Variants in THSD4 observed in about 807,000 individuals in gnomAD.
THSD4 encodes thrombospondin type-1 domain-containing protein 4.
In THSD4, 69 loss-of-function variants were observed where a neutral mutation model predicts 119.0. That is an observed-to-expected ratio of 0.58 (90% CI 0.48 to 0.71). The LOEUF is 0.71. Ranked by LOEUF, THSD4 falls within the 30% of genes least tolerant of loss-of-function variation. The pLI, the probability that THSD4 is intolerant of heterozygous loss-of-function variation, is 0.00. For synonymous variants in THSD4, 524 were observed against 540.4 expected (o/e 0.97, Z 0.42); for missense variants, 1,393 against 1,391.1 (o/e 1.00, Z -0.02).
chr15:71,409,632 G>A (rs1181760869), intron 6 of THSD4, among the ~76,000 whole-genome samples: 1 of 152,206 alleles, frequency 6.6e-6, no homozygotes, highest in East Asian at 1.9e-4. Context: ...AGAGCTCAGA[G>A]TATCTAGACG....
At chr15:71,617,115 C>A (rs2221242) in intron 7 of THSD4, among the ~76,000 whole-genome samples, 26,858 of 151,958 alleles carry the variant, frequency 0.18, 2,882 homozygotes, top group Non-Finnish European at 0.24. Flanking sequence ...GGCAAATGTC[C>A]TCAGAAGCTT....
intron 11 of THSD4, among the ~76,000 whole-genome samples, chr15:71,738,698 T>A (rs1197896869): frequency 6.6e-6 from 1 of 152,168 alleles, no homozygotes; most frequent in Non-Finnish European, 1.5e-5. Context: ...ACATGCCAAG[T>A]ACTGCCAACC....
At chr15:71,728,951 C>T (rs892999871) in intron 9 of THSD4, 17 of 573,628 alleles carry the variant, frequency 3.0e-5, no homozygotes, top group South Asian at 6.7e-5. Context: ...TTATTACCTT[C>T]GGAGTTTATT....
intron 7 of THSD4, among the ~76,000 whole-genome samples, chr15:71,451,159 C>T (rs1271803883): frequency 6.6e-6 from 1 of 152,016 alleles, no homozygotes; most frequent in East Asian, 1.9e-4. Flanking sequence ...GCCTGGGCAA[C>T]AGAGCAAGAC....
chr15:71,361,729 G>A (rs1167460281), intron 6 of THSD4, among the ~76,000 whole-genome samples: 2 of 152,046 alleles, frequency 1.3e-5, no homozygotes, highest in Non-Finnish European at 2.9e-5. Flanking sequence ...ACAAAAGATT[G>A]GAAACAGTAT....
chr15:71,743,298 T>C (rs1053342484), intron 11 of THSD4, among the ~76,000 whole-genome samples: 2 of 152,210 alleles, frequency 1.3e-5, no homozygotes, highest in African/African-American at 2.4e-5. Context: ...TTCTCCCTTA[T>C]TTGAGTGCCA....
intron 8 of THSD4, among the ~76,000 whole-genome samples, chr15:71,713,102 A>G (rs985728658): frequency 3.9e-5 from 6 of 152,238 alleles, no homozygotes; most frequent in Non-Finnish European, 8.8e-5. Context: ...TGGGAAGTTT[A>G]GTTTAAAAGG....
intron 8 of THSD4, among the ~76,000 whole-genome samples, chr15:71,716,024 G>A (rs1254408065): frequency 6.6e-6 from 1 of 152,172 alleles, no homozygotes; most frequent in Non-Finnish European, 1.5e-5. Context: ...CAGTTCTGGA[G>A]ACCAGAATTC....
At chr15:71,562,572 C>T (rs987565344) in intron 7 of THSD4, among the ~76,000 whole-genome samples, 4 of 150,956 alleles carry the variant, frequency 2.6e-5, no homozygotes, top group Admixed American at 6.6e-5. Flanking sequence ...GGAAGTGTAG[C>T]AGAAAAGCAG....
intron 7 of THSD4, among the ~76,000 whole-genome samples, chr15:71,658,049 C>T (rs2051225250): frequency 6.6e-6 from 1 of 152,136 alleles, no homozygotes; most frequent in African/African-American, 2.4e-5. Context: ...ATCTCTGACA[C>T]CCTAGTTACA....
intron 1 of THSD4, among the ~76,000 whole-genome samples, chr15:71,131,796 C>T (rs1352628725): frequency 6.6e-6 from 1 of 152,136 alleles, no homozygotes; most frequent in African/African-American, 2.4e-5. Flanking sequence ...ATTTAAGCTA[C>T]CTTAGTGAAG....
intron 6 of THSD4, among the ~76,000 whole-genome samples, chr15:71,347,371 C>G (rs1215878408): frequency 6.6e-6 from 1 of 152,200 alleles, no homozygotes; most frequent in African/African-American, 2.4e-5. Flanking sequence ...GATGCCATCT[C>G]CCTGCCACTA....
intron 3 of THSD4, among the ~76,000 whole-genome samples, chr15:71,199,791 C>CTGTGTGTGTGG (rs2043773375): frequency 1.3e-5 from 1 of 78,058 alleles, no homozygotes; most frequent in Non-Finnish European, 2.4e-5. Context: ...TGGGTGTGTG[C>CTGTGTGTGTGG]TGTGTGTGTG....
At chr15:71,293,775 A>G (rs2044825466) in intron 6 of THSD4, among the ~76,000 whole-genome samples, 1 of 152,026 alleles carries the variant, frequency 6.6e-6, no homozygotes, top group South Asian at 2.1e-4. Flanking sequence ...AAATTCCCTA[A>G]CAGTAGGAAA....
At chr15:71,218,242 T>A (rs915859814) in intron 4 of THSD4, among the ~76,000 whole-genome samples, 2 of 152,222 alleles carry the variant, frequency 1.3e-5, no homozygotes, top group Non-Finnish European at 2.9e-5. Context: ...TCAGAGGACC[T>A]AGAGCCAGTG....
chr15:71,536,350 C>G (rs749039469), intron 7 of THSD4, among the ~76,000 whole-genome samples: 9 of 152,206 alleles, frequency 5.9e-5, no homozygotes, highest in Non-Finnish European at 1.2e-4. Flanking sequence ...CCTTTCACAA[C>G]CTTCCCTCCT....
intron 3 of THSD4, among the ~76,000 whole-genome samples, chr15:71,201,767 G>T (rs185908591): frequency 6.6e-6 from 1 of 152,190 alleles, no homozygotes; most frequent in Non-Finnish European, 1.5e-5. Flanking sequence ...GAGCCAGGGG[G>T]ACTTGAAATG....
At chr15:71,164,427 G>C (rs1397224520) in intron 3 of THSD4, among the ~76,000 whole-genome samples, 1 of 144,174 alleles carries the variant, frequency 6.9e-6, no homozygotes, top group African/African-American at 2.6e-5. Context: ...CAATTATTTC[G>C]TATAAGCTGC....
intron 7 of THSD4, among the ~76,000 whole-genome samples, chr15:71,619,111 A>AG (rs1231562468): frequency 6.6e-6 from 1 of 151,756 alleles, no homozygotes; most frequent in African/African-American, 2.4e-5. Flanking sequence ...CTAGGATTAC[A>AG]GGTGCCCACC....
Sources: gnomAD v4.1 joint callset for allele counts (sites outside exome capture counted in the v4.1 genomes callset) on GRCh38, gnomAD v4.1.1 for gene constraint, MANE v1.5 for transcripts, NCBI Gene and HGNC (gene_info 2026-07-23, HGNC 2026-07-21) for gene names.